The following CNTNAP4 variants were observed in gnomAD, a reference collection of about 807,000 sequenced individuals.
The protein encoded by CNTNAP4 is contactin associated protein family member 4.
Under a neutral mutation model 148.4 loss-of-function variants are expected in CNTNAP4, and 98 were observed. The observed-to-expected ratio is 0.66, with a 90% confidence interval of 0.56 to 0.78. The LOEUF (loss-of-function observed/expected upper bound fraction) is 0.78. Among genes scored for constraint, CNTNAP4 ranks in the 30% least tolerant of loss-of-function variants. CNTNAP4 has a pLI of 0.00. For missense variants in CNTNAP4, 1,935 were observed against 1,565.6 expected (o/e 1.24, Z -3.98); for synonymous variants, 730 against 565.1 (o/e 1.29, Z -4.14).
At position 76,559,932 on chromosome 16, in the gene CNTNAP4, C is replaced by G. The variant is rs1468543152; in HGVS notation, c.*1249C>G. Among the ~76,000 whole-genome samples, 1 of 152,132 alleles carries G rather than the reference C, an allele frequency of 6.6e-6. No individual in the cohort carries two copies. Among genetic ancestry groups the G allele is most frequent in the African/African-American group, 2.4e-5 (1 of 41,440 alleles). On this transcript the variant is annotated 3_prime_UTR_variant, in exon 24 of 24. Coordinates refer to ENST00000611870, the MANE Select transcript of CNTNAP4 (RefSeq NM_033401.5). ...AATGATCTACTGTGAATTTGTCATTCCAGACACTTCTCGTCTGAAACGATG... is the reference window on the plus strand; with the variant it reads ...AATGATCTACTGTGAATTTGTCATTGCAGACACTTCTCGTCTGAAACGATG...
intron 2 of CNTNAP4, among the ~76,000 whole-genome samples, chr16:76,335,411 G>A (rs1172041406): frequency 6.6e-6 from 1 of 152,098 alleles, no homozygotes; most frequent in Non-Finnish European, 1.5e-5. Context: ...AAAGCTCATT[G>A]TTCCCTTAAG....
intron 2 of CNTNAP4, among the ~76,000 whole-genome samples, chr16:76,339,305 A>G (rs1964274432): frequency 6.6e-6 from 1 of 152,188 alleles, no homozygotes; most frequent in Non-Finnish European, 1.5e-5. Context: ...TCAACATATA[A>G]CATCTCATTT....
chr16:76,501,171 C>T (rs7350828), intron 15 of CNTNAP4, among the ~76,000 whole-genome samples: 25,106 of 152,156 alleles, frequency 0.17, 2,642 homozygotes, highest in Admixed American at 0.3. Flanking sequence ...GAGCCTTACA[C>T]AATCCCATGA....
At position 76,479,512 on chromosome 16, in the gene CNTNAP4, C is replaced by A; in HGVS notation, c.1856C>A (p.Pro619Gln). 1 of 1,610,162 alleles carries A rather than the reference C, an allele frequency of 6.2e-7. No individual in the cohort carries two copies. The highest frequency in any genetic ancestry group is 8.5e-7 in the Non-Finnish European group (1 of 1,178,500). Residue 619 changes from proline to glutamine, a missense_variant, in exon 12 of 24, where the codon CCA (proline) becomes CAA (glutamine). Physicochemically the swap from Pro to Gln is moderately conservative, Grantham distance 76. Transcript: ENST00000611870. Reference sequence around the variant, plus strand: ...TCAGATGGAAGTGGTCCCCTGGAACCATTTCTTCTATATTGCAATATGACC... The same window carrying A: ...TCAGATGGAAGTGGTCCCCTGGAACAATTTCTTCTATATTGCAATATGACC... ...IDSDGSGPLE[P>Q]FLLYCNMTET...
rs141112012 is a variant in CNTNAP4, at chr16:76,383,552, C to T, written c.390+28041C>T. Among the ~76,000 whole-genome samples the T allele has an allele frequency of 4.2e-4, 64 of 151,842 alleles. 1 individual carries two copies. The East Asian group carries it at 9.9e-3, about 23-fold the overall frequency. On this transcript the variant is annotated intron_variant, in intron 3 of 23. Coordinates refer to ENST00000611870, the MANE Select transcript of CNTNAP4 (RefSeq NM_033401.5). ...ATAGAGATTTAAGAGAAACAGCAAT[C>T]GAATGCAACACATGTAAAATTTTGA...
Position 76,558,891 on chromosome 16 carries a change from G to A in CNTNAP4, c.*208G>A. On this transcript the variant is annotated 3_prime_UTR_variant, in exon 24 of 24. Transcript: ENST00000611870. ...ATTCATTCTATGGAACAAGAAATTA[G>A]ATATTGCTGTTAATTTTCAACTGTT... 2.4e-6 allele frequency: 1 copy of A among 419,490 alleles called. No individual in the cohort carries two copies. The highest frequency in any genetic ancestry group is 3.7e-5 in the East Asian group (1 of 26,866). 26.0% of individuals were successfully genotyped at this position (419,490 alleles called of 1,614,324 possible).
intron 1 of CNTNAP4, among the ~76,000 whole-genome samples, chr16:76,306,414 C>G (rs1302401697): frequency 6.6e-6 from 1 of 152,106 alleles, no homozygotes; most frequent in African/African-American, 2.4e-5. Context: ...ACTCCCCAAT[C>G]TCTACAAAAA....
chr16:76,414,682 A>G (rs941787273), intron 3 of CNTNAP4, among the ~76,000 whole-genome samples: 2 of 151,360 alleles, frequency 1.3e-5, no homozygotes, highest in Non-Finnish European at 3.0e-5. Context: ...TATGTTTACA[A>G]TTATGCATGT....
chr16:76,540,950 A>C (rs1364063304), intron 21 of CNTNAP4, among the ~76,000 whole-genome samples, 160 bp downstream of exon 21: 1 of 152,160 alleles, frequency 6.6e-6, no homozygotes, highest in Non-Finnish European at 1.5e-5. Flanking sequence ...AGGCATATGC[A>C]GGCATGAGTA....
intron 1 of CNTNAP4, among the ~76,000 whole-genome samples, chr16:76,314,022 A>T (rs955295653): frequency 6.6e-6 from 1 of 152,248 alleles, no homozygotes; most frequent in Non-Finnish European, 1.5e-5. Flanking sequence ...TATGGATTTC[A>T]TGATACACAT....
At chr16:76,510,142 C>T (rs2082954273) in intron 15 of CNTNAP4, among the ~76,000 whole-genome samples, 1 of 151,948 alleles carries the variant, frequency 6.6e-6, no homozygotes, top group Admixed American at 6.6e-5. Flanking sequence ...AGACACTGTC[C>T]ATTTCACGCA....
At chr16:76,298,045 G>C (rs1959499106) in intron 1 of CNTNAP4, among the ~76,000 whole-genome samples, 1 of 151,942 alleles carries the variant, frequency 6.6e-6, no homozygotes, top group South Asian at 2.1e-4. Flanking sequence ...ACAAATTACT[G>C]TGGCTGCCTC....
At chr16:76,408,413 C>CAGTTGTT (rs1263638425) in intron 3 of CNTNAP4, among the ~76,000 whole-genome samples, 2 of 151,312 alleles carry the variant, frequency 1.3e-5, no homozygotes, top group African/African-American at 4.9e-5. Flanking sequence ...TAACAATTAA[C>CAGTTGTT]AACCACCACC....
At chr16:76,338,877 C>A (rs1597243739) in intron 2 of CNTNAP4, among the ~76,000 whole-genome samples, 1 of 152,172 alleles carries the variant, frequency 6.6e-6, no homozygotes, top group Admixed American at 6.5e-5. Flanking sequence ...GACAGTGAAG[C>A]CCTTAGTACA....
intron 8 of CNTNAP4, among the ~76,000 whole-genome samples, chr16:76,456,732 G>T (rs2143322652): frequency 6.6e-6 from 1 of 152,210 alleles, no homozygotes; most frequent in African/African-American, 2.4e-5. Context: ...TTTTCTTAGA[G>T]TTAATTGTTT....
At position 76,535,776 on chromosome 16, in the gene CNTNAP4, G is replaced by A. The variant is rs1369173290; in HGVS notation, c.2987G>A (p.Cys996Tyr). ...TTCTCTGCATACACAGGGCCATTCTGCTCAAATGGTAAGTGTGGCATGGAA... is the reference window on the plus strand; with the variant it reads ...TTCTCTGCATACACAGGGCCATTCTACTCAAATGGTAAGTGTGGCATGGAA... ...CTFSAYTGPF[C>Y]SNEISAYFGS... The change falls in exon 18 of 24, where the codon TGC (cysteine) becomes TAC (tyrosine). Residue 996 changes from cysteine to tyrosine, a missense_variant. Cys to Tyr is a radical substitution (Grantham distance 194). Transcript: ENST00000611870. The A allele has an allele frequency of 6.2e-7, 1 of 1,613,110 alleles. No individual in the cohort carries two copies. Among genetic ancestry groups the A allele is most frequent in the East Asian group, 2.2e-5 (1 of 44,864 alleles).
Position 76,558,305 on chromosome 16 carries a change from G to A in CNTNAP4, c.3734-185G>A, listed in dbSNP as rs2085279082. The stretch of plus-strand genomic sequence containing the variant: ...GAACCCACAAGGCTGATAGAACTCA[G>A]AAATAAACTCAACATACAATAATAC... On this transcript the variant is annotated intron_variant, in intron 23 of 23. Transcript: ENST00000611870. 9.9e-6 allele frequency: 5 copies of A among 503,648 alleles called. No homozygotes were observed. The South Asian group carries it at 1.7e-4, about 18-fold the overall frequency. The allele number at this position is 503,648 out of a possible 1,614,324, so 31.2% of individuals were successfully genotyped here. A position where few individuals can be genotyped will look rare whatever the true frequency, so the allele number is the denominator to read the frequency against.
At position 76,479,534 on chromosome 16, in the gene CNTNAP4, G is replaced by A; in HGVS notation, c.1878G>A (p.Met626Ile). 1 of 1,605,200 alleles carries A rather than the reference G, an allele frequency of 6.2e-7. No homozygotes were observed. Among genetic ancestry groups the A allele is most frequent in the Non-Finnish European group, 8.5e-7 (1 of 1,177,366 alleles). ...AACCATTTCTTCTATATTGCAATATGACCGGTGAGTTAATCAGCTTTTATT... is the reference window on the plus strand; with the variant it reads ...AACCATTTCTTCTATATTGCAATATAACCGGTGAGTTAATCAGCTTTTATT... ...PLEPFLLYCNMTETAWTIIQH... is the reference protein window; with the variant it reads ...PLEPFLLYCNITETAWTIIQH... Residue 626 changes from methionine to isoleucine, a missense_variant, in exon 12 of 24, where the codon ATG (methionine) becomes ATA (isoleucine). Physicochemically the swap from Met to Ile is conservative, Grantham distance 10. Coordinates refer to ENST00000611870, the MANE Select transcript of CNTNAP4 (RefSeq NM_033401.5).
At chr16:76,557,241 A>G (rs2085235236) in intron 23 of CNTNAP4, 2 of 152,138 alleles carry the variant, frequency 1.3e-5, no homozygotes, top group Admixed American at 6.5e-5. Flanking sequence ...ATGCTGTGTA[A>G]TTGTTTTTCT....
Sources: gnomAD v4.1 joint callset for allele counts (sites outside exome capture counted in the v4.1 genomes callset) on GRCh38, gnomAD v4.1.1 for gene constraint, MANE v1.5 for transcripts, NCBI Gene and HGNC (gene_info 2026-07-23, HGNC 2026-07-21) for gene names.